The following ZNF563 variants were observed in gnomAD, a reference collection of about 807,000 sequenced individuals.
ZNF563 encodes zinc finger protein 563.
In ZNF563, 39 loss-of-function variants were observed where a neutral mutation model predicts 48.5. The ratio of observed to expected loss-of-function variants is 0.80; its 90% CI spans 0.62 to 1.05. ZNF563 has a LOEUF of 1.05. Among genes scored for constraint, ZNF563 ranks in the 50% least tolerant of loss-of-function variants. The pLI is 0.00. For synonymous variants in ZNF563, 168 were observed against 187.9 expected (o/e 0.89, Z 0.87); for missense variants, 538 against 597.0 (o/e 0.90, Z 1.03).
At chr19:12,322,803 T>G (rs1968669445) in intron 1 of ZNF563, 92 bp from the exon 2 acceptor site, 1 of 1,312,614 alleles carries the variant, frequency 7.6e-7, no homozygotes, top group Admixed American at 2.6e-5. Context: ...ATGCTGTGCT[T>G]TCCAAGCATT....
At chr19:12,333,799 CG>C (rs1327258239), upstream of ZNF563, 1 of 451,128 alleles carries the variant, frequency 2.2e-6, no homozygotes, top group Non-Finnish European at 4.0e-6. Flanking sequence ...ACAGAAGAAG[CG>C]ATCACACAGT....
upstream of ZNF563, among the ~76,000 whole-genome samples, chr19:12,337,353 C>T (rs1969031998): frequency 2.0e-5 from 3 of 151,918 alleles, no homozygotes; most frequent in South Asian, 6.2e-4. Context: ...CAGGCATGTC[C>T]CACCATGCCT....
At chr19:12,340,475 TAAAAAC>T in the ZNF563 span, among the ~76,000 whole-genome samples, 1 of 151,654 alleles carries the variant, frequency 6.6e-6, no homozygotes, top group Non-Finnish European at 1.5e-5. Flanking sequence ...ATGTCAAACA[TAAAAAC>T]AAAAACAGTC....
chr19:12,336,810 C>T (rs1338667949), upstream of ZNF563, among the ~76,000 whole-genome samples: 4 of 152,160 alleles, frequency 2.6e-5, no homozygotes, highest in East Asian at 5.8e-4. Context: ...TCCCATTTAT[C>T]CATCTGAAAC....
chr19:12,322,535 T>C, intron 2 of ZNF563, 50 bp downstream of exon 2: 2 of 1,542,586 alleles, frequency 1.3e-6, no homozygotes, highest in South Asian at 1.2e-5. Context: ...CTGATGACCA[T>C]GAAACAAATG....
Position 12,319,391 on chromosome 19 carries a change from A to G in ZNF563, c.634T>C (p.Leu212=). The G allele has an allele frequency of 1.2e-6, 2 of 1,614,204 alleles. No individual in the cohort carries two copies. The highest frequency in any genetic ancestry group is 1.1e-5 in the South Asian group (1 of 91,084). The part of the protein sequence containing the change: ...CGKAFFWPSL[L]RMHERTHTGE... ...GTGTGAGTTCTTTCATGCATACGTA[A>G]TAAACTGGGCCAAAAAAAAGCTTTC... Residue 212 remains leucine, a synonymous_variant, in exon 4 of 4, where the codon TTA becomes CTA. Transcript: ENST00000293725.
chr19:12,338,869 A>G, the ZNF563 span, among the ~76,000 whole-genome samples: 1 of 152,122 alleles, frequency 6.6e-6, no homozygotes, highest in Non-Finnish European at 1.5e-5. Context: ...AAACAAAACA[A>G]AACAAAACAA....
rs748423378 is a variant in ZNF563, at chr19:12,321,341, G to T, written c.131-9C>A. 6.5e-7 allele frequency: 1 copy of T among 1,534,518 alleles called. No individual in the cohort carries two copies. Among genetic ancestry groups the T allele is most frequent in the South Asian group, 1.3e-5 (1 of 79,652 alleles). On this transcript the variant is annotated splice_polypyrimidine_tract_variant and intron_variant, in intron 2 of 3. Coordinates refer to ENST00000293725, the MANE Select transcript of ZNF563 (RefSeq NM_145276.3). ...TTCTTCCCATATCATTCCTAAAAGG[G>T]AGACCCAGAAAATCACTATACATTA...
In ZNF563 at chr19:12,319,823, C is replaced by G; in HGVS notation, c.202G>C (p.Val68Leu). ...NPRRNLRCHMVERFSESKDSS... is the reference protein window; with the variant it reads ...NPRRNLRCHMLERFSESKDSS... Reference sequence around the variant, plus strand: ...TCTTTACTTTCACTGAATCTCTCTACCATATGACATCTGTAAAAAATGAGT... The same window carrying G: ...TCTTTACTTTCACTGAATCTCTCTAGCATATGACATCTGTAAAAAATGAGT... Residue 68 changes from valine to leucine, a missense_variant, in exon 4 of 4, where the codon GTA becomes CTA. Physicochemically the swap from Val to Leu is conservative, Grantham distance 32. Transcript: ENST00000293725. 1 of 1,610,260 alleles carries G rather than the reference C, an allele frequency of 6.2e-7. No individual in the cohort carries two copies. The highest frequency in any genetic ancestry group is 8.5e-7 in the Non-Finnish European group (1 of 1,177,442).
upstream of ZNF563, among the ~76,000 whole-genome samples, chr19:12,338,678 A>T (rs1358977993): frequency 6.6e-6 from 1 of 150,762 alleles, no homozygotes; most frequent in Non-Finnish European, 1.5e-5. Context: ...ACATGGAGAA[A>T]CCCTGTCTCT....
intron 1 of ZNF563, among the ~76,000 whole-genome samples, chr19:12,332,513 G>A (rs543290437): frequency 3.7e-4 from 57 of 152,112 alleles, no homozygotes; most frequent in Non-Finnish European, 6.0e-4. Context: ...ACCACGTCTG[G>A]CTAATTTTTG....
chr19:12,339,568 C>G, the ZNF563 span, among the ~76,000 whole-genome samples: 2 of 152,066 alleles, frequency 1.3e-5, no homozygotes, highest in African/African-American at 4.8e-5. Context: ...GCATGAGCCA[C>G]CATGCCTGGC....
chr19:12,323,298 A>G (rs926944535), intron 1 of ZNF563, among the ~76,000 whole-genome samples: 1 of 152,212 alleles, frequency 6.6e-6, no homozygotes, highest in Non-Finnish European at 1.5e-5. Flanking sequence ...GCTGAGTTTG[A>G]ATGGTTGTCC....
In ZNF563 at chr19:12,319,313, T is replaced by G; in HGVS notation, c.712A>C (p.Ser238Arg). 6.2e-7 allele frequency: 1 copy of G among 1,613,986 alleles called. No individual in the cohort carries two copies. Among genetic ancestry groups the G allele is most frequent in the Non-Finnish European group, 8.5e-7 (1 of 1,179,950 alleles). The change falls in exon 4 of 4, where the codon AGT becomes CGT. Residue 238 changes from serine to arginine, a missense_variant. Coordinates refer to ENST00000293725, the MANE Select transcript of ZNF563 (RefSeq NM_145276.3). ...ATTCTCTCATGTCTTCGATAGGAAC[T>G]GTAAAAAGGAAAGGCTTTAGAACAC... ...KQCSKAFPFYSSYRRHERMHT... is the reference protein window; with the variant it reads ...KQCSKAFPFYRSYRRHERMHT...
intron 1 of ZNF563, among the ~76,000 whole-genome samples, chr19:12,326,035 C>T (rs1968785226): frequency 6.6e-6 from 1 of 152,114 alleles, no homozygotes; most frequent in South Asian, 2.1e-4. Context: ...TTTCAATGCA[C>T]ACAAAATTAG....
chr19:12,333,864 T>C, upstream of ZNF563: 1 of 289,674 alleles, frequency 3.5e-6, no homozygotes, highest in Non-Finnish European at 6.4e-6. Context: ...CAGGGCAGGC[T>C]TCCTCCCTGT....
upstream of ZNF563, among the ~76,000 whole-genome samples, chr19:12,337,771 G>T (rs572994835): frequency 2.0e-4 from 31 of 152,130 alleles, no homozygotes; most frequent in Non-Finnish European, 3.4e-4. Flanking sequence ...ACCCTGAGAA[G>T]GTGACATTTA....
At chr19:12,321,740 C>T (rs1198482176) in intron 2 of ZNF563, among the ~76,000 whole-genome samples, 3 of 152,066 alleles carry the variant, frequency 2.0e-5, no homozygotes, top group Admixed American at 6.6e-5. Flanking sequence ...CCACCATACC[C>T]GGCCTTACAG....
At chr19:12,321,386 A>T in intron 2 of ZNF563, 54 bp from the exon 3 acceptor site, 1 of 1,199,880 alleles carries the variant, frequency 8.3e-7, no homozygotes, top group Non-Finnish European at 1.1e-6. Context: ...TATATAAAAC[A>T]GTAAGATTTT....
Sources: allele counts gnomAD v4.1 joint callset (sites outside exome capture counted in the v4.1 genomes callset), GRCh38; gene constraint gnomAD v4.1.1; transcripts MANE v1.5; gene names NCBI Gene and HGNC (gene_info 2026-07-23, HGNC 2026-07-21).